The following TCF12 variants were observed in gnomAD, a reference collection of about 807,000 sequenced individuals.
The protein encoded by TCF12 is DNA-binding protein HTF4.
In TCF12, 45 loss-of-function variants were observed where a neutral mutation model predicts 86.0. The observed-to-expected ratio is 0.52, with a 90% CI of 0.41 to 0.67. The LOEUF is 0.67. Among genes scored for constraint, TCF12 ranks in the 30% least tolerant of loss-of-function variants. TCF12 has a pLI of 0.00. For missense variants in TCF12, 881 were observed against 859.9 expected (o/e 1.02, Z -0.31); for synonymous variants, 330 against 299.6 (o/e 1.10, Z -1.05).
chr15:57,104,204 A>G (rs1176384612), intron 5 of TCF12, among the ~76,000 whole-genome samples: 2 of 152,132 alleles, frequency 1.3e-5, no homozygotes, highest in Non-Finnish European at 2.9e-5. Flanking sequence ...AAAATATACT[A>G]TATTTTCACA....
chr15:57,239,291 T>C (rs2059507173), intron 12 of TCF12, among the ~76,000 whole-genome samples: 1 of 151,862 alleles, frequency 6.6e-6, no homozygotes, highest in East Asian at 1.9e-4. Flanking sequence ...GCAGAGGTTG[T>C]GGTGAGCTGA....
chr15:56,972,422 A>G (rs2062385734), intron 3 of TCF12, among the ~76,000 whole-genome samples: 1 of 152,260 alleles, frequency 6.6e-6, no homozygotes, highest in South Asian at 2.1e-4. Context: ...ACTATGGTAT[A>G]GCCACAAAAT....
At chr15:57,041,861 C>T (rs112261979) in intron 3 of TCF12, among the ~76,000 whole-genome samples, 1 of 152,116 alleles carries the variant, frequency 6.6e-6, no homozygotes, top group African/African-American at 2.4e-5. Flanking sequence ...TTTACTTGAT[C>T]GCATTACTAG....
At chr15:57,191,638 T>G (rs1269585017) in intron 6 of TCF12, among the ~76,000 whole-genome samples, 3 of 152,124 alleles carry the variant, frequency 2.0e-5, no homozygotes, top group Non-Finnish European at 4.4e-5. Flanking sequence ...TACATAATTA[T>G]TAAAAAGCAG....
intron 3 of TCF12, among the ~76,000 whole-genome samples, chr15:56,943,905 G>A (rs920843147): frequency 3.3e-5 from 5 of 152,204 alleles, no homozygotes; most frequent in African/African-American, 9.6e-5. Context: ...CATTCCAGCG[G>A]CATGAAGCTG....
intron 5 of TCF12, among the ~76,000 whole-genome samples, chr15:57,138,046 A>T (rs925599678): frequency 8.6e-5 from 13 of 152,036 alleles, no homozygotes; most frequent in African/African-American, 3.1e-4. Flanking sequence ...AAAAAAAAAA[A>T]TAAAGTATTA....
chr15:57,210,732 G>A (rs577330830), intron 8 of TCF12, among the ~76,000 whole-genome samples: 13 of 152,088 alleles, frequency 8.5e-5, no homozygotes, highest in South Asian at 2.1e-4. Context: ...GCAAGGAAGC[G>A]TCCTCAAGAT....
At chr15:57,128,094 A>G (rs892729313) in intron 5 of TCF12, among the ~76,000 whole-genome samples, 3 of 152,190 alleles carry the variant, frequency 2.0e-5, no homozygotes, top group Admixed American at 6.5e-5. Context: ...GCAGTTGTAC[A>G]TAACTCATTT....
At chr15:57,117,652 T>C (rs1332473649) in intron 5 of TCF12, among the ~76,000 whole-genome samples, 1 of 152,216 alleles carries the variant, frequency 6.6e-6, no homozygotes, top group Non-Finnish European at 1.5e-5. Flanking sequence ...ACATACTTGA[T>C]GCAGAAAGTA....
chr15:57,002,477 T>C (rs1184146523), intron 3 of TCF12, among the ~76,000 whole-genome samples: 1 of 152,254 alleles, frequency 6.6e-6, no homozygotes, highest in African/African-American at 2.4e-5. Flanking sequence ...TTCATATTCA[T>C]AAACCTGAGA....
chr15:57,005,845 C>T (rs1341115834), intron 3 of TCF12, among the ~76,000 whole-genome samples: 3 of 152,216 alleles, frequency 2.0e-5, no homozygotes. Flanking sequence ...GCTGAGATTA[C>T]AGGTGTGAGC....
rs2059280522 is a variant in TCF12 at position 57,234,044 on chromosome 15, A to G, written c.972A>G (p.Gly324=). ...TTTATTTCTCTATGAAATATCCAGG[A>G]ACCAGAGGGAATGCTGCTGGAAGCT... is the stretch of plus-strand genomic sequence containing the variant. ...PPINGSDSIL[G]TRGNAAGSSQ... is the part of the protein sequence containing the mutation. Residue 324 remains glycine (G), a splice_region_variant and synonymous_variant, in exon 12 of 21, where the codon GGA becomes GGG. Transcript: ENST00000333725. 4 of 1,613,166 alleles carry G rather than the reference A, an allele frequency of 2.5e-6. No homozygotes were observed. The highest frequency in any genetic ancestry group is 2.5e-6 in the Non-Finnish European group (3 of 1,179,254).
intron 4 of TCF12, among the ~76,000 whole-genome samples, chr15:57,077,623 G>A (rs1273904895): frequency 1.3e-5 from 2 of 150,702 alleles, no homozygotes; most frequent in Non-Finnish European, 3.0e-5. Flanking sequence ...GTAGAGACAG[G>A]GTTTCACCTT....
At chr15:56,987,230 G>A (rs1355955025) in intron 3 of TCF12, among the ~76,000 whole-genome samples, 11 of 151,902 alleles carry the variant, frequency 7.2e-5, no homozygotes, top group African/African-American at 2.7e-4. Flanking sequence ...TCCTGCCTCA[G>A]CCCCTTCTGA....
At chr15:57,034,461 T>A (rs1400144460) in intron 3 of TCF12, among the ~76,000 whole-genome samples, 1 of 152,204 alleles carries the variant, frequency 6.6e-6, no homozygotes, top group African/African-American at 2.4e-5. Context: ...AGGAAATTAA[T>A]AATGTTTGAT....
At chr15:57,046,343 T>G (rs1430079208) in intron 3 of TCF12, among the ~76,000 whole-genome samples, 3 of 152,252 alleles carry the variant, frequency 2.0e-5, no homozygotes, top group African/African-American at 7.2e-5. Flanking sequence ...TATATTCTAC[T>G]TTCTTTGTTG....
At chr15:57,107,036 T>C (rs537001651) in intron 5 of TCF12, among the ~76,000 whole-genome samples, 2 of 152,332 alleles carry the variant, frequency 1.3e-5, no homozygotes, top group African/African-American at 4.8e-5. Flanking sequence ...AACATGCTCT[T>C]ACCATGCAGT....
chr15:56,991,100 T>A (rs1395512010), intron 3 of TCF12, among the ~76,000 whole-genome samples: 1 of 152,162 alleles, frequency 6.6e-6, no homozygotes, highest in Non-Finnish European at 1.5e-5. Flanking sequence ...CTGGCCAGTC[T>A]TCAGATTTGT....
intron 8 of TCF12, among the ~76,000 whole-genome samples, chr15:57,224,366 A>G (rs1422524423): frequency 6.6e-6 from 1 of 152,174 alleles, no homozygotes; most frequent in Non-Finnish European, 1.5e-5. Context: ...GAAAAATGAT[A>G]GCACTTATCG....
Sources: gnomAD v4.1 joint callset for allele counts (sites outside exome capture counted in the v4.1 genomes callset) on GRCh38, gnomAD v4.1.1 for gene constraint, MANE v1.5 for transcripts, NCBI Gene and HGNC (gene_info 2026-07-23, HGNC 2026-07-21) for gene names.